Variants in LRRK1 observed in about 807,000 individuals in gnomAD.
LRRK1 encodes the protein leucine rich repeat kinase 1.
In LRRK1, 113 loss-of-function variants were observed where a neutral mutation model predicts 209.1. The ratio of observed to expected loss-of-function variants is 0.54; its 90% confidence interval spans 0.46 to 0.63. LRRK1 has a LOEUF of 0.63. Among genes scored for constraint, LRRK1 ranks in the 30% least tolerant of loss-of-function variants. LRRK1 has a pLI of 0.00. For missense variants in LRRK1, 2,284 were observed against 2,632.2 expected, an observed-to-expected ratio of 0.87 and a Z score of 2.89; for synonymous variants, 1,144 against 1,099.7, an observed-to-expected ratio of 1.04 and a Z score of -0.80.
chr15:101,017,700 C>G (rs1051149132), intron 12 of LRRK1, among the ~76,000 whole-genome samples: 3 of 152,110 alleles, frequency 2.0e-5, no homozygotes, highest in Admixed American at 2.0e-4. Flanking sequence ...GTCCCCCTCA[C>G]CAATGCTGCA....
At position 101,021,984 on chromosome 15, in the gene LRRK1, G is replaced by A. The variant is rs374605327; in HGVS notation, c.1852+27G>A. The A allele has an allele frequency of 5.0e-5, 75 of 1,503,738 alleles. No homozygotes were observed. In the Middle Eastern group the frequency reaches 1.0e-3, roughly 21 times the overall value. 93.1% of individuals were successfully genotyped at this position (1,503,738 alleles called of 1,614,324 possible). A position where few individuals can be genotyped will look rare whatever the true frequency, so the allele number is the denominator to read the frequency against. ...TAGGGCTTCCGCAGCCCTGTCCCCT[G>A]CCATCACCTCTTGGAAAGACAACTC... On this transcript the variant is annotated intron_variant, in intron 14 of 33. Coordinates refer to ENST00000388948, the MANE Select transcript of LRRK1 (RefSeq NM_024652.6).
intron 2 of LRRK1, among the ~76,000 whole-genome samples, chr15:100,967,097 G>A (rs1372682652): frequency 6.6e-6 from 1 of 152,168 alleles, no homozygotes; most frequent in East Asian, 1.9e-4. Flanking sequence ...ATAATTAAGT[G>A]CCCCCATCTG....
chr15:101,043,740 T>G (rs1247493563), intron 20 of LRRK1: 2 of 152,264 alleles, frequency 1.3e-5, no homozygotes, highest in Non-Finnish European at 2.9e-5. Context: ...CCAACTACCT[T>G]CTTTCTCGTC....
chr15:101,017,740 C>T (rs956473263), intron 12 of LRRK1, among the ~76,000 whole-genome samples: 2 of 151,982 alleles, frequency 1.3e-5, no homozygotes, highest in Admixed American at 6.6e-5. Flanking sequence ...TCCACAAAAC[C>T]GGTCCGTGGT....
chr15:101,027,034 C>T lies in LRRK1; in HGVS notation c.2406-227C>T, dbSNP rs1418511647. Among the ~76,000 whole-genome samples, 1 of 152,130 alleles carries T rather than the reference C, an allele frequency of 6.6e-6. No homozygotes were observed. The highest frequency in any genetic ancestry group is 1.5e-5 in the Non-Finnish European group (1 of 68,028). On this transcript the variant is annotated intron_variant, in intron 17 of 33. Coordinates refer to ENST00000388948, the MANE Select transcript of LRRK1 (RefSeq NM_024652.6). This position sits in a 1 kb window ranked among gnomAD's most constrained non-coding sequence, Gnocchi z 5.1. ...ACCTCTGCACCTCACTTTCCTCCTC[C>T]GTGAAGTGCCATGTTTAGTCTGGGA... is the stretch of plus-strand genomic sequence containing the variant.
At chr15:101,018,062 G>T (rs2033621530) in intron 12 of LRRK1, among the ~76,000 whole-genome samples, 1 of 151,492 alleles carries the variant, frequency 6.6e-6, no homozygotes, top group Non-Finnish European at 1.5e-5. Flanking sequence ...TCAGTGGGAA[G>T]CATCATAAAC....
chr15:101,009,060 C>G lies in LRRK1; in HGVS notation c.986C>G (p.Ser329Cys). The change falls in exon 7 of 34, where the codon TCC becomes TGC. Residue 329 changes from serine to cysteine, a missense_variant. Transcript: ENST00000388948. The stretch of plus-strand genomic sequence containing the variant: ...CAGTCATCGGACGAAATCATCTGTT[C>G]CAGGTGGCTCCCCGGGGTGTGACCG... ...GVQSSDEIICSRLLEIDISSN... is the reference protein window; with the variant it reads ...GVQSSDEIICCRLLEIDISSN... The G allele has an allele frequency of 1.2e-6, 2 of 1,611,970 alleles. No homozygotes were observed. The highest frequency in any genetic ancestry group is 1.7e-6 in the Non-Finnish European group (2 of 1,178,104).
intron 6 of LRRK1, 104 bp from the exon 7 acceptor site, chr15:101,008,733 C>A (rs1039284301): frequency 2.3e-6 from 2 of 866,098 alleles, no homozygotes; most frequent in African/African-American, 1.7e-5. Context: ...CGGGCTGGAG[C>A]AGGCACACAG....
At chr15:100,934,555 C>T (rs984552360) in intron 2 of LRRK1, among the ~76,000 whole-genome samples, 1 of 146,066 alleles carries the variant, frequency 6.8e-6, no homozygotes, top group Non-Finnish European at 1.5e-5. Flanking sequence ...CTCTGGGAGG[C>T]CAAGCAAGTG....
chr15:100,921,860 G>C (rs1010062592), intron 1 of LRRK1, among the ~76,000 whole-genome samples: 2 of 151,972 alleles, frequency 1.3e-5, no homozygotes, highest in African/African-American at 4.8e-5. Context: ...TGGGATTACA[G>C]GCGCCCACCA....
intron 33 of LRRK1, among the ~76,000 whole-genome samples, chr15:101,066,987 A>C (rs1313323709): frequency 6.6e-6 from 1 of 152,198 alleles, no homozygotes; most frequent in Non-Finnish European, 1.5e-5. Context: ...TACCCTACCT[A>C]GTACCCTACC....
chr15:100,921,544 C>CTG (rs200487463), intron 1 of LRRK1, among the ~76,000 whole-genome samples: 49,691 of 151,954 alleles, frequency 0.33, 10,014 homozygotes, highest in African/African-American at 0.57. Context: ...GGACTTCTAA[C>CTG]TTCTAACTGA....
chr15:100,925,945 C>G (rs772631275), intron 2 of LRRK1, among the ~76,000 whole-genome samples: 1 of 152,216 alleles, frequency 6.6e-6, no homozygotes, highest in Non-Finnish European at 1.5e-5. Flanking sequence ...GTCTGAGAGG[C>G]CCACGTTTGT....
intron 4 of LRRK1, among the ~76,000 whole-genome samples, chr15:100,986,388 G>A (rs1298134082): frequency 1.3e-5 from 2 of 152,218 alleles, no homozygotes; most frequent in African/African-American, 2.4e-5. Context: ...GAGAGTACCT[G>A]TAGGGGTTTT....
rs938271061 is a variant in LRRK1 at position 100,982,776 on chromosome 15, G to A, written c.262-752G>A. ...AGGCTGACTTAACATGTACCAAGTG[G>A]TTACTGAGCTCTGGCTCTATGCCAG... On this transcript the variant is annotated intron_variant, in intron 3 of 33. Transcript: ENST00000388948. 5.3e-5 allele frequency among the ~76,000 whole-genome samples: 8 copies of A among 152,206 alleles called. No homozygotes were observed. The East Asian group carries it at 1.5e-3, about 29-fold the overall frequency.
At chr15:100,945,204 T>C (rs1013802235) in intron 2 of LRRK1, among the ~76,000 whole-genome samples, 4 of 152,228 alleles carry the variant, frequency 2.6e-5, no homozygotes, top group African/African-American at 9.6e-5. Flanking sequence ...GGGGCATATA[T>C]GCTTCGAAAA....
rs41425846 is a variant in LRRK1, at chr15:101,049,698, T to G, written c.3354T>G (p.Ile1118Met). The change falls in exon 23 of 34, where the codon ATT (isoleucine) becomes ATG (methionine). Residue 1118 changes from isoleucine to methionine, a missense_variant. By Grantham distance (10) the Ile-to-Met change is conservative (BLOSUM62 1). Around this residue, in one of 6 missense-constraint regions of LRRK1, gnomAD observed 780 missense variants for 985.2 expected, o/e 0.79. Transcript: ENST00000388948. ...WKKKKSGGMKIVCQSEVRDFS... is the reference protein window; with the variant it reads ...WKKKKSGGMKMVCQSEVRDFS... ...AGAAGAAAAGCGGAGGAATGAAAAT[T>G]GTTTGCCAATCAGAAGTGAGGGACT... 6 of 1,613,902 alleles carry G rather than the reference T, an allele frequency of 3.7e-6. No individual in the cohort carries two copies. In the Admixed American group the frequency reaches 8.3e-5, roughly 22 times the overall value.
chr15:100,947,700 G>GA (rs2042568895), intron 2 of LRRK1, among the ~76,000 whole-genome samples: 1 of 152,192 alleles, frequency 6.6e-6, no homozygotes, highest in Non-Finnish European at 1.5e-5. Context: ...AGAGACTAAG[G>GA]AAAAACTGGA....
At position 101,076,319 on chromosome 15, in the gene LRRK1, C is replaced by T. The variant is rs868744817; in HGVS notation, c.*7471C>T. 2.6e-5 allele frequency: 4 copies of T among 152,288 alleles called. No homozygotes were observed. Among genetic ancestry groups the T allele is most frequent in the East Asian group, 1.9e-4 (1 of 5,188 alleles). The allele number at this position is 152,288 out of a possible 1,614,324, so 9.4% of individuals were successfully genotyped here. A position where few individuals can be genotyped will look rare whatever the true frequency, so the allele number is the denominator to read the frequency against. Reference sequence around the variant, plus strand: ...ATACCTGACATATATACTTTCTGCTCCCCGGCTCCTTCAGCTGTACTCACT... The same window carrying T: ...ATACCTGACATATATACTTTCTGCTTCCCGGCTCCTTCAGCTGTACTCACT... On this transcript the variant is annotated 3_prime_UTR_variant, in exon 34 of 34. Transcript: ENST00000388948.
Sources: allele counts gnomAD v4.1 joint callset (sites outside exome capture counted in the v4.1 genomes callset), GRCh38; gene constraint gnomAD v4.1.1; regional missense constraint gnomAD v4.1.1; non-coding constraint Gnocchi (gnomAD v3.1); transcripts MANE v1.5; gene names NCBI Gene and HGNC (gene_info 2026-07-23, HGNC 2026-07-21).